Variants in NOS1 observed in about 807,000 individuals in gnomAD.
NOS1 encodes NOS type I.
A neutral mutation model predicts 164.5 loss-of-function variants in NOS1; 51 were observed. The observed-to-expected ratio is 0.31, with a 90% confidence interval of 0.25 to 0.39. The LOEUF (loss-of-function observed/expected upper bound fraction) is 0.39, where lower values mean the gene tolerates loss of function less well. NOS1 is among the 10% of genes least tolerant of loss of function. The probability of loss-of-function intolerance (pLI) is 1.00; values close to 1 mark genes in which losing one functional copy is unlikely to be tolerated. For synonymous variants in NOS1, 719 were observed against 745.8 expected, an observed-to-expected ratio of 0.96 and a Z score of 0.59; for missense variants, 1,362 against 1,885.6, an observed-to-expected ratio of 0.72 and a Z score of 5.14.
At chr12:117,276,687 T>C (rs1289547426) in intron 9 of NOS1, among the ~76,000 whole-genome samples, 2 of 152,054 alleles carry the variant, frequency 1.3e-5, no homozygotes, top group African/African-American at 4.8e-5. Context: ...CCATGAGCTC[T>C]ATTGTTTTCA....
intron 13 of NOS1, among the ~76,000 whole-genome samples, chr12:117,261,178 CAAAAAAAAAAAAAA>C (rs534260940): frequency 2.6e-5 from 2 of 77,268 alleles, no homozygotes; most frequent in Non-Finnish European, 5.4e-5. Flanking sequence ...GACTCTGCCT[CAAAAAAAAAAAAAA>C]AAAAAAAAAA....
intron 1 of NOS1, among the ~76,000 whole-genome samples, chr12:117,359,861 A>G (rs1877033205): frequency 8.9e-6 from 1 of 112,160 alleles, no homozygotes; most frequent in African/African-American, 3.3e-5. Flanking sequence ...GTCCCAGAGC[A>G]TTACAATAAT....
chr12:117,241,930 G>C (rs1047801414), intron 20 of NOS1, among the ~76,000 whole-genome samples: 44 of 152,346 alleles, frequency 2.9e-4, no homozygotes, highest in Middle Eastern at 6.8e-3. Context: ...ACTAAAGCCA[G>C]AGGCTTGGGA....
At chr12:117,231,120 G>A (rs1318930589) in intron 22 of NOS1, among the ~76,000 whole-genome samples, 2 of 151,982 alleles carry the variant, frequency 1.3e-5, no homozygotes, top group African/African-American at 4.8e-5. Context: ...CTGAGATCGG[G>A]GTTTGATGGT....
intron 22 of NOS1, among the ~76,000 whole-genome samples, chr12:117,230,578 G>T (rs1165904463): frequency 6.6e-6 from 1 of 152,210 alleles, no homozygotes; most frequent in Non-Finnish European, 1.5e-5. Flanking sequence ...GCCATCCTGT[G>T]CTGGGGGCTT....
chr12:117,274,512 T>C (rs1180476204), intron 9 of NOS1, among the ~76,000 whole-genome samples: 1 of 152,120 alleles, frequency 6.6e-6, no homozygotes, highest in Non-Finnish European at 1.5e-5. Flanking sequence ...TTCACACCTG[T>C]AATCCTAGCA....
intron 10 of NOS1, among the ~76,000 whole-genome samples, chr12:117,269,368 C>T (rs1303528156): frequency 1.3e-5 from 2 of 150,850 alleles, no homozygotes; most frequent in African/African-American, 2.4e-5. Flanking sequence ...GGGAGTGAGA[C>T]AGGACTAGCT....
intron 13 of NOS1, among the ~76,000 whole-genome samples, chr12:117,262,835 T>C (rs997564788): frequency 6.6e-6 from 1 of 152,144 alleles, no homozygotes; most frequent in Admixed American, 6.6e-5. Flanking sequence ...ACTTGTCAGC[T>C]GGTCCTCTGG....
chr12:117,221,811 A>C, intron 26 of NOS1, among the ~76,000 whole-genome samples: 1 of 135,312 alleles, frequency 7.4e-6, no homozygotes, highest in African/African-American at 3.1e-5. Context: ...ACGCCCAGCT[A>C]ACTTAAATTT....
intron 2 of NOS1, among the ~76,000 whole-genome samples, chr12:117,318,067 G>C (rs1485140471): frequency 1.3e-5 from 2 of 152,184 alleles, no homozygotes; most frequent in East Asian, 3.9e-4. Flanking sequence ...AACTACTGGG[G>C]AGGCTGAGGC....
chr12:117,317,439 G>T (rs1454479819), intron 2 of NOS1, among the ~76,000 whole-genome samples: 1 of 148,442 alleles, frequency 6.7e-6, no homozygotes, highest in African/African-American at 2.5e-5. Flanking sequence ...AGCATTCCTG[G>T]CCTCTGCACA....
In NOS1 at chr12:117,215,323, C is replaced by T. The variant is rs773164536; in HGVS notation, c.4291G>A (p.Val1431Ile). The change falls in exon 29 of 29, where the codon GTT becomes ATT. Residue 1431 changes from valine (V) to isoleucine (I), a missense_variant and splice_region_variant. Transcript: ENST00000317775. Reference protein sequence around the residue: ...IEESKKDTDEVFSS With the variant: ...IEESKKDTDEIFSS ...AGAGGGTCCAGTTAGGAGCTGAAAA[C>T]CCTGTGGAAAGAGAAGTTGGGGGGC... 17 of 1,546,902 alleles carry T rather than the reference C, an allele frequency of 1.1e-5. No individual in the cohort carries two copies. The South Asian group carries it at 2.1e-4, about 19-fold the overall frequency.
intron 2 of NOS1, among the ~76,000 whole-genome samples, chr12:117,323,563 A>G (rs1406840280): frequency 2.6e-5 from 4 of 152,130 alleles, no homozygotes; most frequent in Non-Finnish European, 5.9e-5. Context: ...AGTGCTGTGC[A>G]GAGAAAACCA....
chr12:117,275,740 CATT>C, intron 9 of NOS1, among the ~76,000 whole-genome samples: 1 of 152,206 alleles, frequency 6.6e-6, no homozygotes, highest in East Asian at 1.9e-4. Context: ...ATTAAAACAT[CATT>C]ATATATCTCA....
At chr12:117,252,341 T>A (rs1397659946) in intron 17 of NOS1, among the ~76,000 whole-genome samples, 1 of 152,212 alleles carries the variant, frequency 6.6e-6, no homozygotes, top group Non-Finnish European at 1.5e-5. Context: ...AAACCATTAT[T>A]AGCTCATGGG....
intron 5 of NOS1, among the ~76,000 whole-genome samples, chr12:117,287,562 C>T (rs1872792531): frequency 6.6e-6 from 1 of 152,030 alleles, no homozygotes; most frequent in Non-Finnish European, 1.5e-5. Context: ...CCTCAGCATC[C>T]CAAGTAGCTA....
chr12:117,341,653 T>C (rs1449981582), intron 1 of NOS1, among the ~76,000 whole-genome samples: 1 of 152,162 alleles, frequency 6.6e-6, no homozygotes, highest in Non-Finnish European at 1.5e-5. Context: ...CACTTCTGCC[T>C]CCCACCCTTG....
intron 1 of NOS1, among the ~76,000 whole-genome samples, chr12:117,337,106 CTTTTTTTTTT>C (rs36054002): frequency 1.4e-3 from 89 of 64,336 alleles, no homozygotes; most frequent in African/African-American, 3.4e-3. Flanking sequence ...GCTTTTTACT[CTTTTTTTTTT>C]TTTTTTTTTT....
At chr12:117,220,003 G>T in intron 27 of NOS1, 72 bp downstream of exon 27, 1 of 1,433,864 alleles carries the variant, frequency 7.0e-7, no homozygotes. Flanking sequence ...CATCAAGACA[G>T]GTTGGATGAA....
Sources: gnomAD v4.1 joint callset for allele counts (sites outside exome capture counted in the v4.1 genomes callset) on GRCh38, gnomAD v4.1.1 for gene constraint, MANE v1.5 for transcripts, NCBI Gene and HGNC (gene_info 2026-07-23, HGNC 2026-07-21) for gene names.